Variants in CNMD observed in about 807,000 individuals in gnomAD.
CNMD encodes chondromodulin.
Under a neutral mutation model 37.5 loss-of-function variants are expected in CNMD, and 30 were observed. The ratio of observed to expected loss-of-function variants is 0.80; its 90% CI spans 0.60 to 1.09. The LOEUF (loss-of-function observed/expected upper bound fraction) is 1.09, where lower values mean the gene tolerates loss of function less well. Among genes scored for constraint, CNMD ranks in the 50% least tolerant of loss-of-function variants. The pLI is 0.00. For missense variants in CNMD, 398 were observed against 423.9 expected (o/e 0.94, Z 0.54); for synonymous variants, 167 against 148.2 (o/e 1.13, Z -0.92).
In CNMD at chr13:52,735,880, G is replaced by A. The variant is rs149857793; in HGVS notation, c.214-2521C>T. On this transcript the variant is annotated intron_variant, in intron 2 of 6. Transcript: ENST00000377962. ...AGTCTTGCTCTGTCACCCAAGCTGG[G>A]GTGCAGTGGCACAATCTCGACTCAC... Among the ~76,000 whole-genome samples, 1,076 of 150,282 alleles carry A rather than the reference G, an allele frequency of 7.2e-3. 7 individuals carry two copies. Among genetic ancestry groups the A allele is most frequent in the Middle Eastern group, 0.014 (4 of 292 alleles).
intron 4 of CNMD, among the ~76,000 whole-genome samples, chr13:52,722,975 G>C (rs1390846636): frequency 6.6e-6 from 1 of 152,202 alleles, no homozygotes. Flanking sequence ...GTGTTGGGGT[G>C]GGGGATGAGT....
rs762524495 is a variant in CNMD, at chr13:52,739,622, G to T, written c.72+8C>A. On this transcript the variant is annotated splice_region_variant and intron_variant, in intron 1 of 6. Coordinates refer to ENST00000377962, the MANE Select transcript of CNMD (RefSeq NM_007015.3). This position sits in a 1 kb window ranked among gnomAD's most constrained non-coding sequence, Gnocchi z 5.4. ...GGCCCTGCGTGTGGAATCCCTGGCG[G>T]TACTCACCGGGGGGCTGCAGAATTC... 10 of 1,612,064 alleles carry T rather than the reference G, an allele frequency of 6.2e-6. No individual in the cohort carries two copies. The Admixed American group carries it at 1.7e-4, about 27-fold the overall frequency.
intron 2 of CNMD, among the ~76,000 whole-genome samples, chr13:52,733,767 A>G (rs1024910619): frequency 3.9e-5 from 6 of 152,212 alleles, no homozygotes; most frequent in African/African-American, 1.4e-4. Context: ...TGGGTTGAGC[A>G]CTATTGATGG....
At chr13:52,733,679 C>A (rs1025039136) in intron 2 of CNMD, among the ~76,000 whole-genome samples, 1 of 152,184 alleles carries the variant, frequency 6.6e-6, no homozygotes, top group Non-Finnish European at 1.5e-5. Context: ...TCACCCTGGA[C>A]AAATCAAATC....
At chr13:52,723,312 G>A (rs1964513426) in intron 4 of CNMD, among the ~76,000 whole-genome samples, 1 of 151,958 alleles carries the variant, frequency 6.6e-6, no homozygotes, top group African/African-American at 2.4e-5. Flanking sequence ...AGGCTTGTCT[G>A]GAATTCCTGG....
intron 2 of CNMD, among the ~76,000 whole-genome samples, chr13:52,736,053 G>T (rs1383486198): frequency 6.6e-6 from 1 of 151,564 alleles, no homozygotes; most frequent in Non-Finnish European, 1.5e-5. Flanking sequence ...GAGTGCAGTG[G>T]CACAATCTCC....
intron 6 of CNMD, among the ~76,000 whole-genome samples, chr13:52,704,453 T>C (rs1426025541): frequency 3.1e-4 from 2 of 6,528 alleles, no homozygotes; most frequent in African/African-American, 8.8e-4. Flanking sequence ...TTCTAGTTTT[T>C]TATGTAAATA....
chr13:52,739,214 C>T lies in CNMD; in HGVS notation c.73-43G>A. ...AGAGGGACCGTCGCGTTTGTGCCGC[C>T]AGCACCTGCGGCCCCCAGCGCACCC... On this transcript the variant is annotated intron_variant, in intron 1 of 6. Coordinates refer to ENST00000377962, the MANE Select transcript of CNMD (RefSeq NM_007015.3). The surrounding 1 kb of genome is among the most constrained non-coding windows in gnomAD (Gnocchi z 5.4). 7.0e-7 allele frequency: 1 copy of T among 1,438,660 alleles called. No homozygotes were observed. Among genetic ancestry groups the T allele is most frequent in the South Asian group, 1.5e-5 (1 of 65,166 alleles). The allele number at this position is 1,438,660 out of a possible 1,614,324, so 89.1% of individuals were successfully genotyped here.
chr13:52,706,578 A>G (rs1428704006), intron 6 of CNMD, among the ~76,000 whole-genome samples: 1 of 152,236 alleles, frequency 6.6e-6, no homozygotes, highest in Non-Finnish European at 1.5e-5. Flanking sequence ...CCATGAAAGC[A>G]TAACTAAATT....
chr13:52,720,150 G>A (rs1175152767), intron 4 of CNMD, among the ~76,000 whole-genome samples: 1 of 152,098 alleles, frequency 6.6e-6, no homozygotes, highest in Non-Finnish European at 1.5e-5. Flanking sequence ...TATGGTTCAC[G>A]AAGTTCTCGT....
intron 2 of CNMD, among the ~76,000 whole-genome samples, chr13:52,736,569 G>A (rs552514054): frequency 2.0e-5 from 3 of 152,338 alleles, no homozygotes; most frequent in Admixed American, 6.5e-5. Flanking sequence ...CTGGGGACGA[G>A]GCTGGGCTGT....
rs552729369 is a variant in CNMD at position 52,725,544 on chromosome 13, C to T, written c.355-1434G>A. ...CCAGTCTTGGCTGAAAGCACAGCCC[C>T]GATTCTACCCACAGAGGACATGAGG... is the stretch of plus-strand genomic sequence containing the variant. On this transcript the variant is annotated intron_variant, in intron 3 of 6. Transcript: ENST00000377962. Among the ~76,000 whole-genome samples, 13 of 152,252 alleles carry T rather than the reference C, an allele frequency of 8.5e-5. No homozygotes were observed. In the East Asian group the frequency reaches 1.9e-3, roughly 23 times the overall value.
At chr13:52,710,658 A>C (rs1258331550) in intron 5 of CNMD, among the ~76,000 whole-genome samples, 1 of 152,228 alleles carries the variant, frequency 6.6e-6, no homozygotes, top group East Asian at 1.9e-4. Context: ...AACTGTACTT[A>C]TGAGAGATGG....
rs574498633 is a variant in CNMD, at chr13:52,708,375, G to T, written c.789+161C>A. Among the ~76,000 whole-genome samples, 7 of 152,132 alleles carry T rather than the reference G, an allele frequency of 4.6e-5. No individual in the cohort carries two copies. In the South Asian group the frequency reaches 1.5e-3, roughly 32 times the overall value. ...TTTTTGTATCTTTAGTAGAGACAGG[G>T]TTTCACCATGTTGGCCAGGCTGGCC... On this transcript the variant is annotated intron_variant, in intron 6 of 6. Transcript: ENST00000377962.
chr13:52,720,379 G>C (rs994256637), intron 4 of CNMD, among the ~76,000 whole-genome samples: 1 of 152,100 alleles, frequency 6.6e-6, no homozygotes, highest in Admixed American at 6.5e-5. Context: ...TCCCTTGTTG[G>C]CGAGGAGTTG....
At chr13:52,711,991 G>A (rs2147676) in intron 5 of CNMD, among the ~76,000 whole-genome samples, 81,294 of 151,940 alleles carry the variant, frequency 0.54, 21,982 homozygotes, top group East Asian at 0.74. Context: ...TATCTCAGCT[G>A]TGCTAGGAGA....
chr13:52,723,692 G>A (rs541340953), intron 4 of CNMD, among the ~76,000 whole-genome samples: 3 of 152,194 alleles, frequency 2.0e-5, no homozygotes, highest in African/African-American at 7.2e-5. Flanking sequence ...CACTTTAGGA[G>A]GCCGAGGCAG....
At chr13:52,716,811 G>A (rs963852902) in intron 4 of CNMD, among the ~76,000 whole-genome samples, 10 of 152,068 alleles carry the variant, frequency 6.6e-5, no homozygotes, top group African/African-American at 2.4e-4. Context: ...TTTTTGCATA[G>A]GATTGTCTTG....
At chr13:52,730,068 C>G (rs1472965784) in intron 3 of CNMD, among the ~76,000 whole-genome samples, 1 of 150,680 alleles carries the variant, frequency 6.6e-6, no homozygotes, top group African/African-American at 2.4e-5. Context: ...TGAGAACATG[C>G]GGTGTTTGCT....
Sources: allele counts gnomAD v4.1 joint callset (sites outside exome capture counted in the v4.1 genomes callset), GRCh38; gene constraint gnomAD v4.1.1; non-coding constraint Gnocchi (gnomAD v3.1); transcripts MANE v1.5; gene names NCBI Gene and HGNC (gene_info 2026-07-23, HGNC 2026-07-21).